Variants in SELP observed in about 807,000 individuals in gnomAD.
The protein encoded by SELP is selectin P, also known as P-selectin.
Under a neutral mutation model 104.1 loss-of-function variants are expected in SELP, and 92 were observed. The ratio of observed to expected loss-of-function variants is 0.88; its 90% confidence interval spans 0.75 to 1.05. The LOEUF is 1.05. Ranked by LOEUF, SELP falls within the 50% of genes least tolerant of loss-of-function variation. The pLI, the probability that SELP is intolerant of heterozygous loss-of-function variation, is 0.00. For missense variants in SELP, 1,022 were observed against 1,017.3 expected (o/e 1.00, Z -0.06); for synonymous variants, 397 against 364.5 (o/e 1.09, Z -1.01).
At position 169,594,823 on chromosome 1, in the gene SELP, T is replaced by C. The variant is rs199982828; in HGVS notation, c.2156A>G (p.Asn719Ser). Residue 719 changes from asparagine (N) to serine (S), a missense_variant, in exon 13 of 17, where the codon AAC becomes AGC. Coordinates refer to ENST00000263686, the MANE Select transcript of SELP (RefSeq NM_003005.4). The part of the protein sequence containing the change: ...VNKPIAMNCS[N>S]LWGNFSYGSI... ...TCCATAACTGAAGTTTCCCCAGAGG[T>C]TGGAGCAGTTCATCGCTATTGGCTT... The C allele has an allele frequency of 5.6e-6, 9 of 1,613,758 alleles. No homozygotes were observed. The African/African-American group carries it at 8.0e-5, about 14-fold the overall frequency.
At chr1:169,601,226 T>C (rs540590174) in intron 10 of SELP, among the ~76,000 whole-genome samples, 2 of 152,360 alleles carry the variant, frequency 1.3e-5, no homozygotes, top group East Asian at 3.9e-4. Flanking sequence ...CCTCCATACA[T>C]GTTCTAGAAT....
intron 4 of SELP, 55 bp from the exon 5 acceptor site, chr1:169,613,169 C>A: frequency 6.8e-7 from 1 of 1,460,622 alleles, no homozygotes; most frequent in Non-Finnish European, 9.2e-7. Flanking sequence ...ACAGCAATGT[C>A]ATGTTTGCTG....
chr1:169,605,488 G>A lies in SELP; in HGVS notation c.1519+1461C>T, dbSNP rs112021042. On this transcript the variant is annotated intron_variant, in intron 9 of 16. Coordinates refer to ENST00000263686, the MANE Select transcript of SELP (RefSeq NM_003005.4). The stretch of plus-strand genomic sequence containing the variant: ...AGCTTAACAATGGGGTGTGTGTGTG[G>A]GGGGTGTGTGTGTGTGTATGTGATT... Among the ~76,000 whole-genome samples, 119 of 150,652 alleles carry A rather than the reference G, an allele frequency of 7.9e-4. No individual in the cohort carries two copies. In the Middle Eastern group the frequency reaches 0.014, roughly 17 times the overall value.
chr1:169,589,581 A>G (rs761817657), intron 16 of SELP, 120 bp from the exon 17 acceptor site: 4 of 152,396 alleles, frequency 2.6e-5, no homozygotes, highest in African/African-American at 4.8e-5. Flanking sequence ...AATGAGACCA[A>G]AGAAATTTAA....
At chr1:169,593,544 T>C in intron 14 of SELP, 61 bp downstream of exon 14, 1 of 1,520,998 alleles carries the variant, frequency 6.6e-7, no homozygotes, top group Middle Eastern at 1.7e-4. Context: ...CTAAATTACA[T>C]AAATCAATTT....
At chr1:169,593,848 C>T in intron 13 of SELP, 124 bp from the exon 14 acceptor site, 1 of 880,378 alleles carries the variant, frequency 1.1e-6, no homozygotes, top group Non-Finnish European at 1.7e-6. Flanking sequence ...ACCAAAGGTC[C>T]TGGGAATGCT....
Position 169,617,116 on chromosome 1 carries a change from G to C in SELP, c.393C>G (p.Cys131Trp). 6.2e-7 allele frequency: 1 copy of C among 1,613,772 alleles called. No individual in the cohort carries two copies. The highest frequency in any genetic ancestry group is 8.5e-7 in the Non-Finnish European group (1 of 1,179,914). Residue 131 changes from cysteine to tryptophan, a missense_variant, in exon 3 of 17, where the codon TGC becomes TGG. Cys to Trp is a radical substitution (Grantham distance 215). Coordinates refer to ENST00000263686, the MANE Select transcript of SELP (RefSeq NM_003005.4). ...ACGGACTCTTGATGTATATCTCCAC[G>C]CAGTCCTCGTTGTTCCTTTTGTTGT... is the stretch of plus-strand genomic sequence containing the variant. ...EPNNKRNNED[C>W]VEIYIKSPSA...
intron 14 of SELP, 174 bp from the exon 15 acceptor site, chr1:169,591,630 G>A: frequency 2.2e-6 from 1 of 460,194 alleles, no homozygotes; most frequent in Non-Finnish European, 3.9e-6. Context: ...AGTGTTTTAG[G>A]CTAAATTAAA....
chr1:169,599,203 C>G (rs1490233578), intron 10 of SELP, among the ~76,000 whole-genome samples: 2 of 152,076 alleles, frequency 1.3e-5, no homozygotes, highest in Non-Finnish European at 2.9e-5. Context: ...GGTGGGCACT[C>G]AGCAAACATG....
chr1:169,593,768 T>C (rs200699549), intron 13 of SELP, 44 bp from the exon 14 acceptor site: 14 of 1,602,452 alleles, frequency 8.7e-6, no homozygotes, highest in African/African-American at 1.3e-5. Context: ...AGAAGTGTAT[T>C]ATGCAAAAGA....
intron 3 of SELP, among the ~76,000 whole-genome samples, chr1:169,616,326 G>T (rs145231723): frequency 6.6e-6 from 1 of 152,242 alleles, no homozygotes; most frequent in Non-Finnish European, 1.5e-5. Context: ...AAAGAATGTG[G>T]TAGTTTACAT....
At chr1:169,612,869 T>G in intron 5 of SELP, 60 bp downstream of exon 5, 4 of 1,377,176 alleles carry the variant, frequency 2.9e-6, no homozygotes, top group Non-Finnish European at 2.9e-6. Flanking sequence ...AAGCTCATTG[T>G]GTCCTCTTCT....
chr1:169,597,395 T>C lies in SELP; in HGVS notation c.1706-219A>G, dbSNP rs58617796. Reference sequence around the variant, plus strand: ...TTACAGAGAAGAGTATAGGTACAAGTCACGAAGACAAAGAAGTCAAAGATT... The same window carrying C: ...TTACAGAGAAGAGTATAGGTACAAGCCACGAAGACAAAGAAGTCAAAGATT... On this transcript the variant is annotated intron_variant, in intron 10 of 16. Transcript: ENST00000263686. 1.6e-3 allele frequency among the ~76,000 whole-genome samples: 241 copies of C among 152,262 alleles called. 1 individual carries two copies. Among genetic ancestry groups the C allele is most frequent in the African/African-American group, 5.7e-3 (238 of 41,550 alleles).
intron 9 of SELP, among the ~76,000 whole-genome samples, chr1:169,606,055 AC>A (rs1662177211): frequency 6.6e-6 from 1 of 152,198 alleles, no homozygotes; most frequent in African/African-American, 2.4e-5. Context: ...AGTGGCTCAC[AC>A]CTGTAATACC....
rs566756291 is a variant in SELP at position 169,594,707 on chromosome 1, C to T, written c.2272G>A (p.Val758Met). The T allele has an allele frequency of 6.6e-5, 107 of 1,613,226 alleles. No homozygotes were observed. Among genetic ancestry groups the T allele is most frequent in the South Asian group, 4.2e-4 (38 of 90,954 alleles). The change falls in exon 13 of 17, where the codon GTG becomes ATG. Residue 758 changes from valine to methionine, a missense_variant. Physicochemically the swap from Val to Met is conservative, Grantham distance 21 (BLOSUM62 1). Coordinates refer to ENST00000263686, the MANE Select transcript of SELP (RefSeq NM_003005.4). ...AAAATTGTACCTTGGCAGGTTGGCA[C>T]GGTAGTTGACCAGTGGCCATTCTCT... ...CQENGHWSTT[V>M]PTCQAGPLTI...
At chr1:169,608,503 T>G (rs868201633) in intron 8 of SELP, among the ~76,000 whole-genome samples, 24 of 152,296 alleles carry the variant, frequency 1.6e-4, no homozygotes, top group African/African-American at 5.5e-4. Context: ...GCATAATGTC[T>G]TCAAGGTTCA....
chr1:169,607,129 G>A lies in SELP; in HGVS notation c.1339C>T (p.Gln447Ter). 6.3e-7 allele frequency: 1 copy of A among 1,596,880 alleles called. No homozygotes were observed. Among genetic ancestry groups the A allele is most frequent in the Non-Finnish European group, 8.6e-7 (1 of 1,166,340 alleles). The change falls in exon 9 of 17, where the codon CAG (glutamine) becomes TAG (stop). Residue 447 changes from glutamine to a stop codon, truncating the protein, a stop_gained. Transcript: ENST00000263686. LOFTEE classifies it high-confidence loss of function. ...TTTGGAACTGGGAGATCCTGGCACT[G>A]CAAAGCTAAGGGATGAGGAAGTAAG... is the stretch of plus-strand genomic sequence containing the variant. ...TAPAPVCQAL[Q>*]CQDLPVPNEA...
intron 10 of SELP, among the ~76,000 whole-genome samples, chr1:169,598,953 T>C (rs1440738452): frequency 2.0e-5 from 3 of 152,208 alleles, no homozygotes; most frequent in African/African-American, 4.8e-5. Flanking sequence ...TGAGAACTAC[T>C]ACAGCATTAA....
At chr1:169,597,786 A>T (rs966709386) in intron 10 of SELP, among the ~76,000 whole-genome samples, 4 of 152,272 alleles carry the variant, frequency 2.6e-5, no homozygotes, top group African/African-American at 9.6e-5. Flanking sequence ...CCCTGAAGTG[A>T]CTTTGTGTGT....
Sources: allele counts gnomAD v4.1 joint callset (sites outside exome capture counted in the v4.1 genomes callset), GRCh38; gene constraint gnomAD v4.1.1; transcripts MANE v1.5; gene names NCBI Gene and HGNC (gene_info 2026-07-23, HGNC 2026-07-21).